The following VWA3B variants were observed in gnomAD, a reference collection of about 807,000 sequenced individuals.
VWA3B encodes the protein von Willebrand factor A domain-containing protein 3B.
A neutral mutation model predicts 158.3 loss-of-function variants in VWA3B; 138 were observed. The ratio of observed to expected loss-of-function variants is 0.87; its 90% CI spans 0.76 to 1.00. VWA3B has a LOEUF of 1.00. VWA3B is among the 50% of genes least tolerant of loss of function. The pLI is 0.00. For synonymous variants in VWA3B, 596 were observed against 587.3 expected, an observed-to-expected ratio of 1.01 and a Z score of -0.21; for missense variants, 1,555 against 1,565.1, an observed-to-expected ratio of 0.99 and a Z score of 0.11.
chr2:98,245,314 G>A, intron 19 of VWA3B: 1 of 280,286 alleles, frequency 3.6e-6, no homozygotes, highest in East Asian at 9.5e-5. Context: ...CAGAAGCCGG[G>A]GGTGCCATGA....
Position 98,307,806 on chromosome 2 carries a change from T to TTA in VWA3B, c.3521+4006_3521+4007dup, listed in dbSNP as rs1388619312. Among the ~76,000 whole-genome samples the TTA allele has an allele frequency of 2.6e-5, 4 of 152,342 alleles. No homozygotes were observed. In the East Asian group the frequency reaches 7.7e-4, roughly 29 times the overall value. On this transcript the variant is annotated intron_variant, in intron 26 of 27. Coordinates refer to ENST00000477737, the MANE Select transcript of VWA3B (RefSeq NM_144992.5). ...TGTAGGTTACATCTCCAACAGAACATTATTTGACTAAATTTAATTTTTAAA... is the reference window on the plus strand; with the variant it reads ...TGTAGGTTACATCTCCAACAGAACATTATATTTGACTAAATTTAATTTTTAAA...
intron 9 of VWA3B, among the ~76,000 whole-genome samples, chr2:98,187,313 T>C (rs768703038): frequency 5.9e-5 from 9 of 152,056 alleles, no homozygotes; most frequent in Non-Finnish European, 1.2e-4. Flanking sequence ...GTTTGGTCAT[T>C]GTGTGTGTTT....
intron 24 of VWA3B, among the ~76,000 whole-genome samples, chr2:98,298,990 G>T (rs1201838251): frequency 1.3e-5 from 2 of 152,192 alleles, no homozygotes; most frequent in African/African-American, 4.8e-5. Flanking sequence ...TCTGAGCCGG[G>T]GTGGAAAGGG....
At chr2:98,217,081 G>T in intron 13 of VWA3B, 1 of 898,766 alleles carries the variant, frequency 1.1e-6, no homozygotes, top group South Asian at 1.7e-5. Context: ...GAGGGTGGGG[G>T]TTCCCCTCAA....
chr2:98,230,067 G>A lies in VWA3B; in HGVS notation c.2168G>A (p.Cys723Tyr). 6.3e-7 allele frequency: 1 copy of A among 1,582,314 alleles called. No homozygotes were observed. Among genetic ancestry groups the A allele is most frequent in the Non-Finnish European group, 8.5e-7 (1 of 1,171,942 alleles). Residue 723 changes from cysteine (C) to tyrosine (Y), a missense_variant, in exon 16 of 28, where the codon TGT becomes TAT. By Grantham distance (194) the Cys-to-Tyr change is radical. Coordinates refer to ENST00000477737, the MANE Select transcript of VWA3B (RefSeq NM_144992.5). ...DGDSKHQKEI[C>Y]SMISTPEKCA... is the part of the protein sequence containing the mutation. ...CAAAACAGGCATCAAAAGGAAATCT[G>A]TTCTATGATTTCAACCCCAGAAAAG...
intron 10 of VWA3B, among the ~76,000 whole-genome samples, chr2:98,191,487 CCA>C (rs1217840297): frequency 6.6e-6 from 1 of 152,128 alleles, no homozygotes; most frequent in East Asian, 1.9e-4. Flanking sequence ...TTACTTGAAA[CCA>C]GTTTGATCTC....
At chr2:98,284,512 C>T (rs530409867) in intron 22 of VWA3B, among the ~76,000 whole-genome samples, 6 of 152,146 alleles carry the variant, frequency 3.9e-5, no homozygotes, top group Non-Finnish European at 8.8e-5. Context: ...CCAACTGCCT[C>T]ATAAATTAGA....
intron 6 of VWA3B, among the ~76,000 whole-genome samples, chr2:98,129,892 G>T (rs1675725368): frequency 6.6e-6 from 1 of 152,084 alleles, no homozygotes; most frequent in Admixed American, 6.6e-5. Flanking sequence ...GCCCATGAAG[G>T]GGTGGGTTGC....
intron 7 of VWA3B, among the ~76,000 whole-genome samples, chr2:98,143,373 A>T (rs570881815): frequency 5.9e-4 from 89 of 152,134 alleles, no homozygotes; most frequent in African/African-American, 1.9e-3. Flanking sequence ...AATTAAGTTC[A>T]CCTGTTTCTT....
intron 6 of VWA3B, among the ~76,000 whole-genome samples, chr2:98,130,081 C>A (rs1427309616): frequency 1.3e-5 from 2 of 152,094 alleles, no homozygotes; most frequent in Non-Finnish European, 2.9e-5. Context: ...TCGGGTGTGG[C>A]AGGATAATAG....
chr2:98,176,442 TCTCC>T (rs374759885), intron 8 of VWA3B, among the ~76,000 whole-genome samples: 6 of 147,960 alleles, frequency 4.1e-5, no homozygotes, highest in East Asian at 2.0e-4. Context: ...ATACCAAACA[TCTCC>T]CTCCCTCCCT....
intron 2 of VWA3B, among the ~76,000 whole-genome samples, chr2:98,113,855 C>T (rs573198356): frequency 8.5e-5 from 13 of 152,124 alleles, no homozygotes; most frequent in East Asian, 3.9e-4. Flanking sequence ...TTCCTTTTTG[C>T]GACCATATGT....
intron 22 of VWA3B, among the ~76,000 whole-genome samples, chr2:98,272,849 A>C (rs898410627): frequency 6.6e-6 from 1 of 152,220 alleles, no homozygotes; most frequent in Non-Finnish European, 1.5e-5. Context: ...TTATCACAGG[A>C]GTGGATTCCT....
At chr2:98,115,767 T>C (rs774680626) in intron 3 of VWA3B, 21 bp downstream of exon 3, 1 of 1,582,220 alleles carries the variant, frequency 6.3e-7, no homozygotes. Context: ...GTTCCCTCAA[T>C]GCGCAGTCCT....
intron 22 of VWA3B, among the ~76,000 whole-genome samples, chr2:98,274,574 T>C (rs1028761710): frequency 1.9e-4 from 29 of 152,142 alleles, no homozygotes; most frequent in African/African-American, 6.5e-4. Context: ...ACGCGGAGTG[T>C]TCCCTGGGGA....
chr2:98,190,394 G>A (rs73963248), intron 10 of VWA3B, among the ~76,000 whole-genome samples: 2,123 of 152,210 alleles, frequency 0.014, 57 homozygotes, highest in African/African-American at 0.048. Flanking sequence ...CAATTGTCTT[G>A]TAACTAGATT....
At chr2:98,145,830 C>CTGCCTCA (rs1677133836) in intron 7 of VWA3B, among the ~76,000 whole-genome samples, 1 of 152,100 alleles carries the variant, frequency 6.6e-6, no homozygotes, top group African/African-American at 2.4e-5. Context: ...AGGGATCTTC[C>CTGCCTCA]TGCCTCAGCC....
chr2:98,183,190 T>C (rs1260961502), intron 9 of VWA3B, among the ~76,000 whole-genome samples: 10 of 102,988 alleles, frequency 9.7e-5, no homozygotes, highest in African/African-American at 3.6e-4. Context: ...TACAGCTCCC[T>C]TTTTTTTTTT....
intron 3 of VWA3B, among the ~76,000 whole-genome samples, chr2:98,119,040 AG>A (rs748038488): frequency 5.3e-5 from 8 of 152,178 alleles, no homozygotes; most frequent in Non-Finnish European, 1.0e-4. Flanking sequence ...AAAAGTCATG[AG>A]CAGAAGGATG....
Sources: gnomAD v4.1 joint callset for allele counts (sites outside exome capture counted in the v4.1 genomes callset) on GRCh38, gnomAD v4.1.1 for gene constraint, MANE v1.5 for transcripts, NCBI Gene and HGNC (gene_info 2026-07-23, HGNC 2026-07-21) for gene names.